The following PCDH15 variants were observed in gnomAD, a reference collection of about 807,000 sequenced individuals.
PCDH15 encodes protocadherin related 15.
A neutral mutation model predicts 178.5 loss-of-function variants in PCDH15; 129 were observed. That is an observed-to-expected ratio of 0.72 (90% confidence interval 0.63 to 0.84). The LOEUF is 0.84. PCDH15 is among the 40% of genes least tolerant of loss of function. The pLI is 0.00. For synonymous variants in PCDH15, 800 were observed against 732.0 expected, an observed-to-expected ratio of 1.09 and a Z score of -1.50; for missense variants, 2,230 against 2,099.9, an observed-to-expected ratio of 1.06 and a Z score of -1.21.
In PCDH15 at chr10:53,828,558, T is replaced by G. The variant is rs756020408; in HGVS notation, c.4211+7A>C. Reference sequence around the variant, plus strand: ...AAAAGGATGTGTAAAATGTTAATTATACTTACACTTTAAACCTGTTTGGGA... The same window carrying G: ...AAAAGGATGTGTAAAATGTTAATTAGACTTACACTTTAAACCTGTTTGGGA... On this transcript the variant is annotated splice_region_variant and intron_variant, in intron 31 of 37. Coordinates refer to ENST00000644397, the MANE Select transcript of PCDH15 (RefSeq NM_001384140.1). 4 of 1,552,908 alleles carry G rather than the reference T, an allele frequency of 2.6e-6. No homozygotes were observed. Among genetic ancestry groups the G allele is most frequent in the Non-Finnish European group, 3.6e-6 (4 of 1,125,020 alleles).
chr10:53,839,887 G>A (rs142242170), intron 29 of PCDH15, among the ~76,000 whole-genome samples: 3,400 of 152,290 alleles, frequency 0.022, 43 homozygotes, highest in Non-Finnish European at 0.036. Flanking sequence ...GAAAAAAGCA[G>A]ATATTGATTT....
intron 2 of PCDH15, among the ~76,000 whole-genome samples, chr10:55,429,905 A>C (rs967897312): frequency 3.9e-5 from 6 of 152,132 alleles, no homozygotes; most frequent in African/African-American, 1.4e-4. Flanking sequence ...TGTGCTCCTT[A>C]ATAATATATA....
chr10:53,895,713 A>C (rs375320404), intron 26 of PCDH15, among the ~76,000 whole-genome samples: 4 of 152,342 alleles, frequency 2.6e-5, no homozygotes, highest in African/African-American at 9.6e-5. Context: ...ATTAGTTAAC[A>C]ATTTGAAAAG....
chr10:54,917,425 A>G (rs1479607731), intron 2 of PCDH15, among the ~76,000 whole-genome samples: 1 of 152,182 alleles, frequency 6.6e-6, no homozygotes, highest in Non-Finnish European at 1.5e-5. Flanking sequence ...TGACTTCAAT[A>G]AGGGACTCCT....
At chr10:54,308,653 C>T (rs1564926959) in intron 8 of PCDH15, among the ~76,000 whole-genome samples, 1 of 151,982 alleles carries the variant, frequency 6.6e-6, no homozygotes, top group Admixed American at 6.6e-5. Context: ...AAAAAATTTA[C>T]TTTAATTTCT....
At chr10:54,366,420 CTCATT>C (rs529745664) in intron 5 of PCDH15, among the ~76,000 whole-genome samples, 3 of 152,072 alleles carry the variant, frequency 2.0e-5, no homozygotes, top group South Asian at 2.1e-4. Context: ...CAGAATAAAA[CTCATT>C]TCATTTAATT....
intron 2 of PCDH15, among the ~76,000 whole-genome samples, chr10:55,002,735 A>C (rs1839821888): frequency 6.6e-6 from 1 of 152,184 alleles, no homozygotes; most frequent in Non-Finnish European, 1.5e-5. Context: ...CCCAAGTACT[A>C]TTATGGAAGA....
chr10:55,387,718 T>C (rs1837696353), intron 2 of PCDH15, among the ~76,000 whole-genome samples: 1 of 152,080 alleles, frequency 6.6e-6, no homozygotes, highest in Non-Finnish European at 1.5e-5. Flanking sequence ...ACCAAAATGT[T>C]TTTCATTTAA....
intron 6 of PCDH15, among the ~76,000 whole-genome samples, chr10:54,334,700 C>T (rs980912431): frequency 6.6e-6 from 1 of 151,928 alleles, no homozygotes; most frequent in Non-Finnish European, 1.5e-5. Flanking sequence ...CACACACACA[C>T]ACACACACAC....
intron 1 of PCDH15, among the ~76,000 whole-genome samples, chr10:54,730,948 G>C (rs1322366920): frequency 1.3e-5 from 2 of 151,220 alleles, no homozygotes; most frequent in African/African-American, 4.8e-5. Context: ...GCACAGAAAA[G>C]AAAACAATCT....
intron 29 of PCDH15, among the ~76,000 whole-genome samples, chr10:53,838,637 C>T (rs901790401): frequency 6.6e-6 from 1 of 152,060 alleles, no homozygotes; most frequent in East Asian, 1.9e-4. Context: ...GCAAAAAACA[C>T]AGAATGCAGG....
intron 2 of PCDH15, among the ~76,000 whole-genome samples, chr10:55,121,921 G>A (rs1380203389): frequency 6.6e-6 from 1 of 152,116 alleles, no homozygotes; most frequent in African/African-American, 2.4e-5. Context: ...ATAAATGGCT[G>A]CTGTCTATGA....
At chr10:54,764,061 T>C (rs1327975369) in intron 1 of PCDH15, among the ~76,000 whole-genome samples, 19 of 152,072 alleles carry the variant, frequency 1.2e-4, no homozygotes, top group African/African-American at 4.6e-4. Flanking sequence ...CAACATGTAA[T>C]GATGAAAGCA....
chr10:55,616,272 C>G (rs551329240), intron 2 of PCDH15, among the ~76,000 whole-genome samples: 1 of 152,012 alleles, frequency 6.6e-6, no homozygotes, highest in Non-Finnish European at 1.5e-5. Context: ...AGCCTGATAC[C>G]AGGCTGTACC....
chr10:54,863,412 G>A (rs1953880596), intron 3 of PCDH15, among the ~76,000 whole-genome samples: 1 of 151,982 alleles, frequency 6.6e-6, no homozygotes, highest in African/African-American at 2.4e-5. Flanking sequence ...CATGGTGGCG[G>A]GTCCCTGTAG....
At chr10:54,084,288 AAAGTGAAACCC>A (rs1480820702) in intron 16 of PCDH15, among the ~76,000 whole-genome samples, 2 of 151,614 alleles carry the variant, frequency 1.3e-5, no homozygotes, top group Non-Finnish European at 1.5e-5. Context: ...GTCAAATGGG[AAAGTGAAACCC>A]CATCTCTACT....
chr10:53,999,552 T>C lies in PCDH15; in HGVS notation c.2752-3787A>G, dbSNP rs192380070. 5.3e-4 allele frequency among the ~76,000 whole-genome samples: 81 copies of C among 152,302 alleles called. 2 individuals carry two copies. In the East Asian group the frequency reaches 0.015, roughly 27 times the overall value. ...CTAGGCATATTCACCACAAGCTGAT[T>C]TAAGAGGCCATGGGCCATAAGTGAA... On this transcript the variant is annotated intron_variant, in intron 20 of 37. Coordinates refer to ENST00000644397, the MANE Select transcript of PCDH15 (RefSeq NM_001384140.1).
At chr10:54,416,052 C>A (rs1192493117) in intron 3 of PCDH15, among the ~76,000 whole-genome samples, 3 of 152,060 alleles carry the variant, frequency 2.0e-5, no homozygotes, top group Admixed American at 2.0e-4. Context: ...CAGCATTGAC[C>A]TCCCTGGCGC....
chr10:55,584,763 AT>A (rs577029455), intron 2 of PCDH15, among the ~76,000 whole-genome samples: 91 of 151,652 alleles, frequency 6.0e-4, no homozygotes, highest in African/African-American at 2.1e-3. Flanking sequence ...ATAGATATAA[AT>A]ATCTTATATT....
Sources: allele counts gnomAD v4.1 joint callset (sites outside exome capture counted in the v4.1 genomes callset), GRCh38; gene constraint gnomAD v4.1.1; transcripts MANE v1.5; gene names NCBI Gene and HGNC (gene_info 2026-07-23, HGNC 2026-07-21).